CR1: variants seen among roughly 807,000 people sequenced by gnomAD.
The protein encoded by CR1 is complement C3b/C4b receptor 1 (Knops blood group).
CR1 carries 116 observed loss-of-function variants against 187.3 expected under a neutral mutation model. That is an observed-to-expected ratio of 0.62 (90% confidence interval 0.53 to 0.72). CR1 has a LOEUF of 0.72. Among genes scored for constraint, CR1 ranks in the 30% least tolerant of loss-of-function variants. The pLI is 0.00. For synonymous variants in CR1, 576 were observed against 747.1 expected (o/e 0.77, Z 3.73); for missense variants, 1,731 against 2,110.7 (o/e 0.82, Z 3.52).
At chr1:207,581,264 G>A (rs1033230398) in intron 31 of CR1, among the ~76,000 whole-genome samples, 7 of 139,256 alleles carry the variant, frequency 5.0e-5, no homozygotes, top group East Asian at 3.9e-4. Context: ...ATATGTAGAC[G>A]TATACATATG....
chr1:207,525,379 C>T (rs1162843909), intron 5 of CR1, among the ~76,000 whole-genome samples: 1 of 151,904 alleles, frequency 6.6e-6, no homozygotes, highest in Non-Finnish European at 1.5e-5. Context: ...GCACAGGAGC[C>T]TGGAGTGATG....
rs1362917404 is a variant in CR1, at chr1:207,580,554, T to G, written c.5157T>G (p.Arg1719=). The G allele has an allele frequency of 6.2e-7, 1 of 1,613,536 alleles. No individual in the cohort carries two copies. Among genetic ancestry groups the G allele is most frequent in the Non-Finnish European group, 8.5e-7 (1 of 1,179,810 alleles). The change falls in exon 31 of 47, where the codon CGT becomes CGG. Residue 1719 remains arginine (R), a synonymous_variant. Transcript: ENST00000367049. The stretch of plus-strand genomic sequence containing the variant: ...TCTTGGGTCAACTCCCTCATGGCCG[T>G]GTGCTATTTCCACTTAATCTCCAGC... ...DDFLGQLPHG[R]VLFPLNLQLG... is the part of the protein sequence containing the mutation.
rs370954317 is a variant in CR1 at position 207,609,398 on chromosome 1, C to A, written c.6005C>A (p.Pro2002Gln). 1.9e-5 allele frequency: 31 copies of A among 1,613,940 alleles called. No homozygotes were observed. The Middle Eastern group carries it at 6.6e-4, about 34-fold the overall frequency. ...TVVTYQCHTG[P>Q]DGEQLFELVG... The stretch of plus-strand genomic sequence containing the variant: ...GTAACTTACCAGTGCCACACTGGAC[C>A]AGATGGAGAACAGCTGTTTGAGCTT... The change falls in exon 37 of 47, where the codon CCA (proline) becomes CAA (glutamine). Residue 2002 changes from proline (P) to glutamine (Q), a missense_variant. Around this residue, in one of 5 missense-constraint regions of CR1, gnomAD observed 1,312 missense variants for 1,379.6 expected, o/e 0.95. Coordinates refer to ENST00000367049, the MANE Select transcript of CR1 (RefSeq NM_000651.6).
chr1:207,635,768 G>A (rs1258453179), intron 46 of CR1, among the ~76,000 whole-genome samples: 1 of 152,230 alleles, frequency 6.6e-6, no homozygotes, highest in East Asian at 1.9e-4. Flanking sequence ...CCTAGACAGA[G>A]GTCCCTGCTG....
rs571731228 is a variant in CR1, at chr1:207,506,699, G to C, written c.302-15G>C. 6 of 1,611,572 alleles carry C rather than the reference G, an allele frequency of 3.7e-6. 1 individual carries two copies. The South Asian group carries it at 6.6e-5, about 18-fold the overall frequency. On this transcript the variant is annotated splice_polypyrimidine_tract_variant and intron_variant, in intron 2 of 46. Coordinates refer to ENST00000367049, the MANE Select transcript of CR1 (RefSeq NM_000651.6). Reference sequence around the variant, plus strand: ...TTACTCTACTTGGCTCCAAAATTCTGTTTCTTTCCTGTAGGTAAATCATGT... The same window carrying C: ...TTACTCTACTTGGCTCCAAAATTCTCTTTCTTTCCTGTAGGTAAATCATGT...
rs573607667 is a variant in CR1, at chr1:207,616,487, T to C, written c.6662-88T>C. ...TATATTCTTTCTAAAAGTTATATTC[T>C]TTTTAAGCGCACAGTCACAGGTCAC... On this transcript the variant is annotated intron_variant, in intron 40 of 46. Coordinates refer to ENST00000367049, the MANE Select transcript of CR1 (RefSeq NM_000651.6). 2.8e-6 allele frequency: 4 copies of C among 1,434,120 alleles called. No individual in the cohort carries two copies. The African/African-American group carries it at 4.3e-5, about 15-fold the overall frequency. The allele number at this position is 1,434,120 out of a possible 1,614,324, so 88.8% of individuals were successfully genotyped here.
intron 46 of CR1, among the ~76,000 whole-genome samples, chr1:207,634,571 T>G (rs1338361212): frequency 3.3e-5 from 5 of 151,908 alleles, no homozygotes; most frequent in South Asian, 2.1e-4. Flanking sequence ...TCCTGTGAAA[T>G]GGAAGGAGAA....
At chr1:207,511,547 A>G (rs747250281) in intron 3 of CR1, 22 bp from the exon 4 acceptor site, 58 of 1,607,400 alleles carry the variant, frequency 3.6e-5, no homozygotes, top group Admixed American at 5.0e-5. Context: ...AGAATGTAAC[A>G]TTCCTTATTT....
At chr1:207,634,972 A>T (rs1662768359) in intron 46 of CR1, among the ~76,000 whole-genome samples, 1 of 152,244 alleles carries the variant, frequency 6.6e-6, no homozygotes, top group Admixed American at 6.5e-5. Context: ...AAAATTAAAA[A>T]AGGAAAAGGT....
intron 35 of CR1, among the ~76,000 whole-genome samples, chr1:207,606,892 G>T (rs971389432): frequency 6.6e-6 from 1 of 152,152 alleles, no homozygotes; most frequent in African/African-American, 2.4e-5. Context: ...ATTTCAGTAA[G>T]ATATTTTCCC....
intron 1 of CR1, 117 bp downstream of exon 1, chr1:207,496,505 C>A (rs553239346): frequency 9.1e-5 from 98 of 1,082,550 alleles, no homozygotes; most frequent in Non-Finnish European, 1.2e-4. Flanking sequence ...CCGAAGGCAG[C>A]GCGATGGGTG....
chr1:207,572,487 T>A (rs1660608820), intron 27 of CR1, among the ~76,000 whole-genome samples: 1 of 151,960 alleles, frequency 6.6e-6, no homozygotes, highest in Non-Finnish European at 1.5e-5. Context: ...AATAAACCTT[T>A]TTTTAAAGTA....
chr1:207,508,724 T>C (rs1235122097), intron 3 of CR1, among the ~76,000 whole-genome samples: 1 of 152,214 alleles, frequency 6.6e-6, no homozygotes, highest in East Asian at 1.9e-4. Flanking sequence ...TAAAAAGTTT[T>C]TTTTTTTTTT....
intron 5 of CR1, among the ~76,000 whole-genome samples, chr1:207,526,295 C>T (rs1660168610): frequency 6.6e-6 from 1 of 151,864 alleles, no homozygotes; most frequent in Non-Finnish European, 1.5e-5. Flanking sequence ...CTTTGTTGCA[C>T]CAGTGTGATA....
chr1:207,579,056 C>A (rs1179191704), intron 29 of CR1, among the ~76,000 whole-genome samples: 1 of 152,150 alleles, frequency 6.6e-6, no homozygotes, highest in Admixed American at 6.5e-5. Flanking sequence ...TTTCTAAATT[C>A]ATGTTTAATG....
intron 40 of CR1, among the ~76,000 whole-genome samples, chr1:207,615,158 G>T (rs1316014888): frequency 6.6e-6 from 1 of 152,092 alleles, no homozygotes; most frequent in Non-Finnish European, 1.5e-5. Flanking sequence ...AATTTAGTCA[G>T]CTTGTTTTTT....
intron 1 of CR1, among the ~76,000 whole-genome samples, chr1:207,504,550 G>C (rs1414289836): frequency 6.6e-6 from 1 of 151,920 alleles, no homozygotes; most frequent in Admixed American, 6.6e-5. Flanking sequence ...AAAGTATCTA[G>C]AAGATTTGAA....
intron 46 of CR1, among the ~76,000 whole-genome samples, chr1:207,635,759 C>A (rs1662794078): frequency 6.6e-6 from 1 of 152,174 alleles, no homozygotes; most frequent in Non-Finnish European, 1.5e-5. Flanking sequence ...CCTGGATTTC[C>A]TAGACAGAGG....
At position 207,575,674 on chromosome 1, in the gene CR1, T is replaced by G. The variant is rs1187794880; in HGVS notation, c.4531T>G (p.Cys1511Gly). 2 of 1,611,712 alleles carry G rather than the reference T, an allele frequency of 1.2e-6. No individual in the cohort carries two copies. The highest frequency in any genetic ancestry group is 1.3e-5 in the African/African-American group (1 of 74,854). Residue 1511 changes from cysteine to glycine, a missense_variant, in exon 28 of 47, where the codon TGT becomes GGT. Physicochemically the swap from Cys to Gly is radical, Grantham distance 159. Transcript: ENST00000367049. The part of the protein sequence containing the change: ...TAHWSTKPPI[C>G]QRIPCGLPPT... ...CCATTGGAGCACGAAGCCGCCAATTTGTCAACGTGAGTTGAAATCTCTTTC... is the reference window on the plus strand; with the variant it reads ...CCATTGGAGCACGAAGCCGCCAATTGGTCAACGTGAGTTGAAATCTCTTTC...
Sources: gnomAD v4.1 joint callset for allele counts (sites outside exome capture counted in the v4.1 genomes callset) on GRCh38, gnomAD v4.1.1 for gene constraint, gnomAD v4.1.1 regional missense constraint, MANE v1.5 for transcripts, NCBI Gene and HGNC (gene_info 2026-07-23, HGNC 2026-07-21) for gene names.